The following ADK variants were observed in gnomAD, a reference collection of about 807,000 sequenced individuals.
The protein encoded by ADK is adenosine kinase.
ADK carries 24 observed loss-of-function variants against 44.7 expected under a neutral mutation model. The ratio of observed to expected loss-of-function variants is 0.54; its 90% CI spans 0.39 to 0.76. The LOEUF (loss-of-function observed/expected upper bound fraction) is 0.76. Among genes scored for constraint, ADK ranks in the 30% least tolerant of loss-of-function variants. ADK has a pLI of 0.00. For synonymous variants in ADK, 128 were observed against 142.6 expected (o/e 0.90, Z 0.73); for missense variants, 321 against 425.1 (o/e 0.76, Z 2.15).
chr10:74,699,815 T>C (rs1374753887), intron 10 of ADK, among the ~76,000 whole-genome samples: 1 of 152,194 alleles, frequency 6.6e-6, no homozygotes, highest in African/African-American at 2.4e-5. Flanking sequence ...ATAAGAGAAA[T>C]CCAGATTAAA....
At chr10:74,295,869 C>T (rs1839792733) in intron 3 of ADK, among the ~76,000 whole-genome samples, 2 of 151,886 alleles carry the variant, frequency 1.3e-5, no homozygotes, top group Admixed American at 6.6e-5. Flanking sequence ...TGTTAAAATG[C>T]GTTAGCATAA....
At position 74,665,779 on chromosome 10, in the gene ADK, GAGAC is replaced by G. The variant is rs1199184426; in HGVS notation, c.878-4392_878-4389del. Among the ~76,000 whole-genome samples, 192 of 138,990 alleles carry G rather than the reference GAGAC, an allele frequency of 1.4e-3. 2 individuals are homozygous for G. Among genetic ancestry groups the G allele is most frequent in the African/African-American group, 4.9e-3 (177 of 36,322 alleles). 91.2% of individuals were successfully genotyped at this position (138,990 alleles called of 152,430 possible). Reference sequence around the variant, plus strand: ...AGAGAGAGAGAGAGAGAGAGAGAGAGAGACAGACAGACAGAAGGAAAATGAAGAA... The same window carrying G: ...AGAGAGAGAGAGAGAGAGAGAGAGAGAGACAGACAGAAGGAAAATGAAGAA... On this transcript the variant is annotated intron_variant, in intron 9 of 10. Coordinates refer to ENST00000539909, the MANE Select transcript of ADK (RefSeq NM_006721.4).
At position 74,575,278 on chromosome 10, in the gene ADK, C is replaced by G. The variant is rs528788180; in HGVS notation, c.727-14004C>G. Among the ~76,000 whole-genome samples the G allele has an allele frequency of 5.9e-5, 9 of 152,236 alleles. No homozygotes were observed. In the East Asian group the frequency reaches 1.7e-3, roughly 29 times the overall value. On this transcript the variant is annotated intron_variant, in intron 7 of 10. Coordinates refer to ENST00000539909, the MANE Select transcript of ADK (RefSeq NM_006721.4). ...GAGGATACTAAATGAAAAAGAGTTT[C>G]TGCACCAAGAATGTATAATCTAGTA...
intron 1 of ADK, among the ~76,000 whole-genome samples, chr10:74,172,289 G>A (rs1399505232): frequency 6.6e-6 from 1 of 151,980 alleles, no homozygotes; most frequent in Non-Finnish European, 1.5e-5. Context: ...CAGGTGTGTG[G>A]TCTCCCTATG....
chr10:74,645,626 C>A (rs1182078288), intron 9 of ADK, among the ~76,000 whole-genome samples: 5 of 152,108 alleles, frequency 3.3e-5, no homozygotes, highest in Non-Finnish European at 5.9e-5. Flanking sequence ...TAATTGAACT[C>A]CCAAAAAGAT....
intron 9 of ADK, chr10:74,656,000 C>A: frequency 1.5e-6 from 1 of 651,438 alleles, no homozygotes; most frequent in Non-Finnish European, 2.9e-6. Context: ...GAACCGCCTG[C>A]TCTTTCCTGC....
intron 6 of ADK, among the ~76,000 whole-genome samples, chr10:74,488,118 A>G (rs1330835555): frequency 1.3e-5 from 2 of 151,994 alleles, no homozygotes; most frequent in Non-Finnish European, 2.9e-5. Flanking sequence ...GAACATTTCT[A>G]CAAGACAACG....
chr10:74,447,238 G>A (rs1041581938), intron 6 of ADK, among the ~76,000 whole-genome samples: 15 of 152,124 alleles, frequency 9.9e-5, no homozygotes, highest in Non-Finnish European at 4.4e-5. Context: ...AAGAAAGAGT[G>A]ATAAAGTATG....
intron 3 of ADK, among the ~76,000 whole-genome samples, chr10:74,245,834 ACTCAC>A (rs958618295): frequency 4.6e-5 from 7 of 151,910 alleles, no homozygotes; most frequent in Non-Finnish European, 1.0e-4. Flanking sequence ...CAGGTGATCC[ACTCAC>A]CTCAGCCTCC....
intron 10 of ADK, 52 bp downstream of exon 10, chr10:74,670,321 T>C (rs111656542): frequency 3.6e-6 from 5 of 1,379,842 alleles, no homozygotes; most frequent in African/African-American, 1.4e-5. Flanking sequence ...TTTTAACCCT[T>C]GTTTCTACCA....
chr10:74,376,315 AAAT>A (rs1220933440), intron 4 of ADK, among the ~76,000 whole-genome samples: 1 of 152,164 alleles, frequency 6.6e-6, no homozygotes, highest in Non-Finnish European at 1.5e-5. Context: ...CTTTAGGAAG[AAAT>A]AACATTTTAG....
intron 9 of ADK, among the ~76,000 whole-genome samples, chr10:74,668,824 G>T (rs1385201960): frequency 3.3e-5 from 5 of 152,156 alleles, no homozygotes; most frequent in Admixed American, 3.3e-4. Context: ...CTCGAGCACA[G>T]GAGTTTGAAA....
intron 3 of ADK, among the ~76,000 whole-genome samples, chr10:74,233,118 C>T (rs1844840241): frequency 6.6e-6 from 1 of 152,112 alleles, no homozygotes; most frequent in African/African-American, 2.4e-5. Context: ...TGAGTTTTGC[C>T]ATAGGCTGTA....
At chr10:74,418,994 T>C (rs1358317646) in intron 6 of ADK, among the ~76,000 whole-genome samples, 1 of 152,118 alleles carries the variant, frequency 6.6e-6, no homozygotes, top group Non-Finnish European at 1.5e-5. Context: ...TCAAAGAAAT[T>C]TGTGAGGAAA....
At chr10:74,167,976 A>T (rs1842073791) in intron 1 of ADK, among the ~76,000 whole-genome samples, 1 of 152,136 alleles carries the variant, frequency 6.6e-6, no homozygotes, top group Admixed American at 6.5e-5. Context: ...TTATTTTTCC[A>T]TGGAATACTG....
intron 7 of ADK, among the ~76,000 whole-genome samples, chr10:74,553,173 A>G (rs1850095637): frequency 7.3e-6 from 1 of 137,788 alleles, no homozygotes; most frequent in South Asian, 2.5e-4. Flanking sequence ...TAACAAGACA[A>G]TTTTTCAGCA....
chr10:74,191,388 G>C (rs959240128), intron 1 of ADK, among the ~76,000 whole-genome samples: 7 of 151,376 alleles, frequency 4.6e-5, no homozygotes, highest in African/African-American at 1.2e-4. Flanking sequence ...TGTTTTTTAA[G>C]CATTAAAAAA....
chr10:74,512,708 A>T (rs1848388738), intron 6 of ADK, among the ~76,000 whole-genome samples: 1 of 143,064 alleles, frequency 7.0e-6, no homozygotes, highest in Non-Finnish European at 1.5e-5. Flanking sequence ...TTTTGTTTAG[A>T]AGCCAGCTTT....
intron 2 of ADK, among the ~76,000 whole-genome samples, chr10:74,205,072 A>G (rs1012916092): frequency 5.4e-5 from 8 of 149,410 alleles, no homozygotes; most frequent in Admixed American, 4.0e-4. Context: ...AAAAAAAATT[A>G]AACCAAGCCA....
Sources: gnomAD v4.1 joint callset for allele counts (sites outside exome capture counted in the v4.1 genomes callset) on GRCh38, gnomAD v4.1.1 for gene constraint, MANE v1.5 for transcripts, NCBI Gene and HGNC (gene_info 2026-07-23, HGNC 2026-07-21) for gene names.